MPC2: variants seen among roughly 807,000 people sequenced by gnomAD.
The protein encoded by MPC2 is brain protein 44.
In MPC2, 19 loss-of-function variants were observed where a neutral mutation model predicts 19.2. That is an observed-to-expected ratio of 0.99 (90% CI 0.69 to 1.45). MPC2 has a LOEUF of 1.45. Among genes scored for constraint, MPC2 ranks in the 40% most tolerant of loss-of-function variants. The pLI, the probability that MPC2 is intolerant of heterozygous loss-of-function variation, is 0.00. For missense variants in MPC2, 122 were observed against 153.0 expected (o/e 0.80, Z 1.07); for synonymous variants, 61 against 54.3 (o/e 1.12, Z -0.54).
intron 2 of MPC2, among the ~76,000 whole-genome samples, chr1:167,925,494 CAT>C (rs1324302494): frequency 1.4e-4 from 18 of 125,216 alleles, no homozygotes; most frequent in Non-Finnish European, 2.0e-4. Context: ...TATACACACA[CAT>C]ATATATATAC....
chr1:167,919,840 TTA>T (rs1353881903), intron 5 of MPC2, 137 bp downstream of exon 5: 5 of 537,070 alleles, frequency 9.3e-6, no homozygotes, highest in Non-Finnish European at 1.7e-5. Context: ...TGTCTTAGCA[TTA>T]TATATGAATC....
rs1379742889 is a variant in MPC2, at chr1:167,920,009, G to C, written c.317C>G (p.Ala106Gly). 1.9e-6 allele frequency: 3 copies of C among 1,613,290 alleles called. No homozygotes were observed. Among genetic ancestry groups the C allele is most frequent in the Non-Finnish European group, 2.5e-6 (3 of 1,179,612 alleles). Residue 106 changes from alanine (A) to glycine (G), a missense_variant, in exon 5 of 6, where the codon GCA (alanine) becomes GGA (glycine). Physicochemically the swap from Ala to Gly is moderately conservative, Grantham distance 60 (BLOSUM62 0). Coordinates refer to ENST00000271373, the MANE Select transcript of MPC2 (RefSeq NM_001143674.4). ...LFAVNFFVGAAGASQLFRIWR... is the reference protein window; with the variant it reads ...LFAVNFFVGAGGASQLFRIWR... ...AATACGAAAAAGCTGAGAGGCTCCT[G>C]CTGCCCCCACAAAGAAATTAACAGC... is the stretch of plus-strand genomic sequence containing the variant.
intron 2 of MPC2, 55 bp downstream of exon 2, chr1:167,935,678 T>C: frequency 6.8e-7 from 1 of 1,473,642 alleles, no homozygotes; most frequent in Non-Finnish European, 9.3e-7. Context: ...AAAAGGTCCA[T>C]TTTAGAGGAA....
chr1:167,924,993 C>T (rs1670696507), intron 2 of MPC2, among the ~76,000 whole-genome samples: 1 of 152,094 alleles, frequency 6.6e-6, no homozygotes, highest in African/African-American at 2.4e-5. Context: ...GTAAAAATGG[C>T]AGTTGCTTCC....
At chr1:167,928,779 A>T (rs903790889) in intron 2 of MPC2, among the ~76,000 whole-genome samples, 2 of 152,220 alleles carry the variant, frequency 1.3e-5, no homozygotes, top group Non-Finnish European at 2.9e-5. Flanking sequence ...TAGAATAAGC[A>T]GAAGTATAAA....
chr1:167,928,260 A>G (rs984500220), intron 2 of MPC2, among the ~76,000 whole-genome samples: 5 of 151,440 alleles, frequency 3.3e-5, no homozygotes, highest in Non-Finnish European at 7.4e-5. Context: ...AGGCAGGAGA[A>G]TGGCGTGAAG....
At chr1:167,918,498 G>A in intron 5 of MPC2, 139 bp from the exon 6 acceptor site, 1 of 484,326 alleles carries the variant, frequency 2.1e-6, no homozygotes, top group Non-Finnish European at 3.6e-6. Flanking sequence ...TCTTCCCGGA[G>A]GGCTTACAGG....
chr1:167,924,514 C>G lies in MPC2; in HGVS notation c.133G>C (p.Ala45Pro). The G allele has an allele frequency of 6.3e-7, 1 of 1,582,602 alleles. No individual in the cohort carries two copies. The highest frequency in any genetic ancestry group is 8.6e-7 in the Non-Finnish European group (1 of 1,166,892). ...PAGPRTVFFW[A>P]PIMKWGLVCA... The stretch of plus-strand genomic sequence containing the variant: ...AGACTTACCCATTTCATAATTGGAG[C>G]CCAGAAGAAAACTGTTCTGGGACCT... Residue 45 changes from alanine (A) to proline (P), a missense_variant, in exon 3 of 6, where the codon GCT becomes CCT. Coordinates refer to ENST00000271373, the MANE Select transcript of MPC2 (RefSeq NM_001143674.4).
chr1:167,935,648 G>A (rs1671111615), intron 2 of MPC2, 85 bp downstream of exon 2: 1 of 1,120,204 alleles, frequency 8.9e-7, no homozygotes, highest in East Asian at 2.6e-5. Context: ...GCCTCTAGAG[G>A]CAGTTGTCAG....
intron 3 of MPC2, among the ~76,000 whole-genome samples, chr1:167,921,757 G>A: frequency 6.6e-6 from 1 of 151,970 alleles, no homozygotes; most frequent in East Asian, 1.9e-4. Flanking sequence ...AATTATATAG[G>A]ATGCACTGTA....
chr1:167,933,594 C>T (rs1033845055), intron 2 of MPC2, among the ~76,000 whole-genome samples: 1 of 152,212 alleles, frequency 6.6e-6, no homozygotes, highest in Non-Finnish European at 1.5e-5. Context: ...ATTTAATAAA[C>T]TCCTTGTAGG....
At chr1:167,934,756 C>T (rs1468051469) in intron 2 of MPC2, among the ~76,000 whole-genome samples, 1 of 152,196 alleles carries the variant, frequency 6.6e-6, no homozygotes, top group African/African-American at 2.4e-5. Flanking sequence ...GGTAGCACTT[C>T]AGTCTTTCAA....
chr1:167,925,483 A>ATATATATG (rs1670726058), intron 2 of MPC2, among the ~76,000 whole-genome samples: 1 of 137,086 alleles, frequency 7.3e-6, no homozygotes, highest in Non-Finnish European at 1.6e-5. Flanking sequence ...ATACATATAC[A>ATATATATG]TATACACACA....
chr1:167,923,287 A>C lies in MPC2; in HGVS notation c.150+1210T>G, dbSNP rs79766780. Among the ~76,000 whole-genome samples, 154 of 152,350 alleles carry C rather than the reference A, an allele frequency of 1.0e-3. 3 individuals are homozygous for C. The East Asian group carries it at 0.025, about 25-fold the overall frequency. On this transcript the variant is annotated intron_variant, in intron 3 of 5. Coordinates refer to ENST00000271373, the MANE Select transcript of MPC2 (RefSeq NM_001143674.4). ...TTATTCACAACAGCAAAAATGTGGA[A>C]GCAAACCAATTGTCCAATCAACATA...
At chr1:167,932,794 G>GC in intron 2 of MPC2, among the ~76,000 whole-genome samples, 1 of 130,570 alleles carries the variant, frequency 7.7e-6, no homozygotes, top group African/African-American at 3.0e-5. Flanking sequence ...AGGGAACAGA[G>GC]CAAGACTCTG....
intron 2 of MPC2, among the ~76,000 whole-genome samples, chr1:167,926,645 T>TGCC (rs1670763646): frequency 6.6e-6 from 1 of 152,142 alleles, no homozygotes; most frequent in Non-Finnish European, 1.5e-5. Flanking sequence ...CCGCTGCTGC[T>TGCC]GCCGTCTAGT....
intron 2 of MPC2, among the ~76,000 whole-genome samples, chr1:167,933,898 G>T (rs1670986033): frequency 6.6e-6 from 1 of 152,154 alleles, no homozygotes; most frequent in Non-Finnish European, 1.5e-5. Context: ...CAAACGCTGT[G>T]CTACATGTTT....
At chr1:167,930,114 C>T (rs763228124) in intron 2 of MPC2, among the ~76,000 whole-genome samples, 24 of 152,132 alleles carry the variant, frequency 1.6e-4, no homozygotes, top group Non-Finnish European at 2.4e-4. Flanking sequence ...ACTAAGCTAC[C>T]ATTTTAGAGC....
At chr1:167,923,485 T>A (rs984195509) in intron 3 of MPC2, among the ~76,000 whole-genome samples, 17 of 152,076 alleles carry the variant, frequency 1.1e-4, no homozygotes, top group African/African-American at 4.1e-4. Context: ...CATGAGGTAC[T>A]TAGAGTAGTG....
Sources: gnomAD v4.1 joint callset for allele counts (sites outside exome capture counted in the v4.1 genomes callset) on GRCh38, gnomAD v4.1.1 for gene constraint, MANE v1.5 for transcripts, NCBI Gene and HGNC (gene_info 2026-07-23, HGNC 2026-07-21) for gene names.